Variants in NKIRAS1 observed in about 807,000 individuals in gnomAD.
The protein encoded by NKIRAS1 is NF-kappa-B inhibitor-interacting Ras-like protein 1.
In NKIRAS1, 16 loss-of-function variants were observed where a neutral mutation model predicts 19.8. The ratio of observed to expected loss-of-function variants is 0.81; its 90% confidence interval spans 0.55 to 1.23. The LOEUF (loss-of-function observed/expected upper bound fraction) is 1.23, where lower values mean the gene tolerates loss of function less well. Ranked by LOEUF, NKIRAS1 falls within the 50% of genes most tolerant of loss-of-function variation. The probability of loss-of-function intolerance (pLI) is 0.00; values close to 1 mark genes in which losing one functional copy is unlikely to be tolerated. For synonymous variants in NKIRAS1, 88 were observed against 79.0 expected (o/e 1.11, Z -0.61); for missense variants, 184 against 220.0 (o/e 0.84, Z 1.04).
Position 23,916,821 on chromosome 3 carries a change from C to T in NKIRAS1, c.-177G>A, listed in dbSNP as rs1190090552. On this transcript the variant is annotated 5_prime_UTR_variant, in exon 1 of 5. Transcript: ENST00000425478. ...CAGACCTCAAAGACAGCGGCTCCACCGCGGTACGCGGCCACCGGCTTTGGA... is the reference window on the plus strand; with the variant it reads ...CAGACCTCAAAGACAGCGGCTCCACTGCGGTACGCGGCCACCGGCTTTGGA... The T allele has an allele frequency of 1.3e-5, 2 of 152,756 alleles. No individual in the cohort carries two copies. The highest frequency in any genetic ancestry group is 2.9e-5 in the Non-Finnish European group (2 of 68,104). The allele number at this position is 152,756 out of a possible 1,614,324, so 9.5% of individuals were successfully genotyped here. A position where few individuals can be genotyped will look rare whatever the true frequency, so the allele number is the denominator to read the frequency against.
chr3:23,942,495 G>C (rs1444842297), intron 1 of NKIRAS1, among the ~76,000 whole-genome samples: 1 of 152,162 alleles, frequency 6.6e-6, no homozygotes, highest in East Asian at 1.9e-4. Context: ...GCAACGGCAC[G>C]ATCTCGGCTC....
chr3:23,901,617 G>A (rs1179351994), intron 3 of NKIRAS1, among the ~76,000 whole-genome samples: 1 of 152,128 alleles, frequency 6.6e-6, no homozygotes, highest in East Asian at 1.9e-4. Context: ...TAGTCTCTAA[G>A]TTTATTAAGT....
chr3:23,908,570 CCTTT>C (rs76656713), intron 3 of NKIRAS1, among the ~76,000 whole-genome samples: 4,521 of 152,226 alleles, frequency 0.03, 120 homozygotes, highest in East Asian at 0.17. Context: ...ATCAATGCCA[CCTTT>C]CTATTTTGAA....
intron 1 of NKIRAS1, among the ~76,000 whole-genome samples, chr3:23,942,288 A>C (rs538047666): frequency 6.6e-6 from 1 of 151,906 alleles, no homozygotes; most frequent in African/African-American, 2.4e-5. Context: ...CTAGAGCAGT[A>C]CTGTGAACTT....
At chr3:23,944,014 G>A (rs1008088937) in intron 1 of NKIRAS1, among the ~76,000 whole-genome samples, 2 of 152,218 alleles carry the variant, frequency 1.3e-5, no homozygotes, top group Non-Finnish European at 2.9e-5. Context: ...GACCCAAGAA[G>A]CACTCTCCTA....
intron 1 of NKIRAS1, among the ~76,000 whole-genome samples, chr3:23,928,848 C>G (rs916873751): frequency 2.0e-5 from 3 of 151,420 alleles, no homozygotes; most frequent in African/African-American, 7.3e-5. Flanking sequence ...AAAAATTAGC[C>G]AGGTGTGGCG....
chr3:23,939,582 A>G (rs1423370120), intron 1 of NKIRAS1, among the ~76,000 whole-genome samples: 1 of 152,204 alleles, frequency 6.6e-6, no homozygotes, highest in African/African-American at 2.4e-5. Flanking sequence ...TCTCTATTAA[A>G]ATACAAAAAT....
intron 1 of NKIRAS1, chr3:23,946,114 C>T (rs1575141464): frequency 3.0e-6 from 3 of 984,742 alleles, no homozygotes; most frequent in Non-Finnish European, 3.6e-6. Context: ...GTGACGTCGC[C>T]GCGATTCCCT....
upstream of NKIRAS1, chr3:23,920,003 G>T: frequency 1.0e-6 from 1 of 986,838 alleles, no homozygotes; most frequent in Non-Finnish European, 1.2e-6. Flanking sequence ...TCACATAAAA[G>T]GTGAAAGCTC....
At chr3:23,899,098 T>G (rs1394281455) in intron 4 of NKIRAS1, among the ~76,000 whole-genome samples, 1 of 152,102 alleles carries the variant, frequency 6.6e-6, no homozygotes, top group African/African-American at 2.4e-5. Flanking sequence ...GACCACTGAT[T>G]TATATAACAA....
At chr3:23,929,064 T>C (rs879308081) in intron 1 of NKIRAS1, among the ~76,000 whole-genome samples, 14 of 149,992 alleles carry the variant, frequency 9.3e-5, no homozygotes, top group Non-Finnish European at 1.6e-4. Flanking sequence ...AAATTAACTG[T>C]AAAAACCATG....
chr3:23,907,262 T>C (rs1055998914), intron 3 of NKIRAS1, among the ~76,000 whole-genome samples: 3 of 152,222 alleles, frequency 2.0e-5, no homozygotes, highest in Non-Finnish European at 4.4e-5. Flanking sequence ...CAGTATATAA[T>C]ACACACAACA....
At chr3:23,919,325 G>A (rs534301057), upstream of NKIRAS1, 83 of 1,603,676 alleles carry the variant, frequency 5.2e-5, 1 homozygote, top group South Asian at 9.0e-4. Flanking sequence ...AAGAAATCCT[G>A]ACACCCAGTG....
chr3:23,900,740 CA>C (rs34253815), intron 4 of NKIRAS1, 67 bp downstream of exon 4: 2 of 1,268,966 alleles, frequency 1.6e-6, no homozygotes, highest in Non-Finnish European at 2.3e-6. Context: ...ATAAACTACC[CA>C]AAAGTCTGTG....
In NKIRAS1 at chr3:23,910,156, CTT is replaced by C. The variant is rs34240932; in HGVS notation, c.94+653_94+654del. Among the ~76,000 whole-genome samples the C allele has an allele frequency of 6.9e-4, 67 of 96,532 alleles. No individual in the cohort carries two copies. In the South Asian group the frequency reaches 0.013, roughly 19 times the overall value. 63.3% of individuals were successfully genotyped at this position (96,532 alleles called of 152,430 possible). ...ACTGGTGTGAGCCACTGCGCTCGGC[CTT>C]TTTTTTTTTTTTTTTTTGAGACAGA... On this transcript the variant is annotated intron_variant, in intron 3 of 4. Transcript: ENST00000425478.
chr3:23,940,625 A>G (rs549771547), intron 1 of NKIRAS1, among the ~76,000 whole-genome samples: 2 of 152,360 alleles, frequency 1.3e-5, no homozygotes, highest in South Asian at 4.1e-4. Flanking sequence ...TTATGAAGAC[A>G]TCAAATAAGA....
Position 23,926,342 on chromosome 3 carries a change from G to C in NKIRAS1, c.-139-14892C>G, listed in dbSNP as rs2125263968. 6.6e-6 allele frequency among the ~76,000 whole-genome samples: 1 copy of C among 152,268 alleles called. No individual in the cohort carries two copies. The highest frequency in any genetic ancestry group is 2.1e-4 in the South Asian group (1 of 4,826). ...GCTGGGATTATAGGTATGAGCCATG[G>C]CGCCCGGCCATAGTACTGACTTAGA... On this transcript the variant is annotated intron_variant, in intron 1 of 4. Transcript: ENST00000421515. The surrounding 1 kb of genome is among the most constrained non-coding windows in gnomAD (Gnocchi z 4.3).
At chr3:23,917,718 C>T (rs1041554905), upstream of NKIRAS1, 1 of 898,324 alleles carries the variant, frequency 1.1e-6, no homozygotes, top group African/African-American at 1.7e-5. Flanking sequence ...CTAGCTGTCC[C>T]CGGCAGTTGG....
At chr3:23,917,870 A>C (rs771618191), upstream of NKIRAS1, 1 of 1,609,328 alleles carries the variant, frequency 6.2e-7, no homozygotes, top group South Asian at 1.1e-5. Context: ...ATGGGTGCAT[A>C]CAAGTACATC....
Sources: gnomAD v4.1 joint callset for allele counts (sites outside exome capture counted in the v4.1 genomes callset) on GRCh38, gnomAD v4.1.1 for gene constraint, Gnocchi (gnomAD v3.1) non-coding constraint, MANE v1.5 for transcripts, NCBI Gene and HGNC (gene_info 2026-07-23, HGNC 2026-07-21) for gene names.